Variants in PCLO observed in about 807,000 individuals in gnomAD.
PCLO encodes the protein piccolo presynaptic cytomatrix protein.
A neutral mutation model predicts 427.5 loss-of-function variants in PCLO; 82 were observed. That is an observed-to-expected ratio of 0.19 (90% CI 0.16 to 0.23). The LOEUF (loss-of-function observed/expected upper bound fraction) is 0.23. PCLO is among the 10% of genes least tolerant of loss of function. The pLI, the probability that PCLO is intolerant of heterozygous loss-of-function variation, is 1.00. For synonymous variants in PCLO, 2,357 were observed against 2,155.4 expected (o/e 1.09, Z -2.59); for missense variants, 6,239 against 6,115.9 (o/e 1.02, Z -0.67).
At chr7:83,147,903 A>G (rs1792035147) in intron 2 of PCLO, among the ~76,000 whole-genome samples, 1 of 152,218 alleles carries the variant, frequency 6.6e-6, no homozygotes, top group Non-Finnish European at 1.5e-5. Context: ...AGAATATCAA[A>G]TAGTAGATTT....
At chr7:82,999,408 C>A (rs1787722770) in intron 3 of PCLO, among the ~76,000 whole-genome samples, 2 of 56,632 alleles carry the variant, frequency 3.5e-5, no homozygotes, top group Non-Finnish European at 5.4e-5. Flanking sequence ...TATACTATTC[C>A]ATTATATAAT....
chr7:82,807,183 C>T (rs1332570403), intron 20 of PCLO, among the ~76,000 whole-genome samples: 2 of 132,846 alleles, frequency 1.5e-5, no homozygotes, highest in South Asian at 2.6e-4. Flanking sequence ...GGTATCCCCA[C>T]TCTTCTCAAG....
intron 6 of PCLO, among the ~76,000 whole-genome samples, chr7:82,945,319 A>G (rs1795176129): frequency 6.6e-6 from 1 of 152,212 alleles, no homozygotes; most frequent in Admixed American, 6.5e-5. Flanking sequence ...CAAATAAAAT[A>G]TCATTCCATA....
rs191457735 is a variant in PCLO at position 83,039,595 on chromosome 7, C to G, written c.3301-73108G>C. On this transcript the variant is annotated intron_variant, in intron 3 of 24. Coordinates refer to ENST00000333891, the MANE Select transcript of PCLO (RefSeq NM_033026.6). ...ATGTAGTACCACATTAACTTCTTTA[C>G]TGCTGCTTTGTAGTAAGTTTTGAAA... is the stretch of plus-strand genomic sequence containing the variant. Among the ~76,000 whole-genome samples, 770 of 152,162 alleles carry G rather than the reference C, an allele frequency of 5.1e-3. 3 individuals are homozygous for G. The highest frequency in any genetic ancestry group is 0.014 in the Admixed American group (207 of 15,260).
chr7:82,946,511 A>T (rs1198212627), intron 6 of PCLO, among the ~76,000 whole-genome samples: 2 of 152,204 alleles, frequency 1.3e-5, no homozygotes, highest in African/African-American at 4.8e-5. Flanking sequence ...TTAGAGAACA[A>T]ATTAAGAAAA....
Position 82,827,880 on chromosome 7 carries a change from A to G in PCLO, c.14336T>C (p.Met4779Thr). ...GAAATAATCTTGACATACCTGTTCC[A>G]TGGAAATACTTTTATAAATTACTGT... is the stretch of plus-strand genomic sequence containing the variant. ...NQTVIYKSIS[M>T]EQLKKKTLEV... Residue 4779 changes from methionine to threonine, a missense_variant, in exon 17 of 25, where the codon ATG (methionine) becomes ACG (threonine). Transcript: ENST00000333891. 6.5e-7 allele frequency: 1 copy of G among 1,542,942 alleles called. No homozygotes were observed. The highest frequency in any genetic ancestry group is 8.9e-7 in the Non-Finnish European group (1 of 1,118,310).
At chr7:82,964,766 C>G (rs1795727180) in intron 4 of PCLO, among the ~76,000 whole-genome samples, 1 of 152,046 alleles carries the variant, frequency 6.6e-6, no homozygotes. Flanking sequence ...ATATAGGCAT[C>G]TTTTTGACTC....
chr7:82,789,704 C>CA (rs917787862), intron 22 of PCLO, among the ~76,000 whole-genome samples: 6 of 152,026 alleles, frequency 3.9e-5, no homozygotes, highest in African/African-American at 1.4e-4. Context: ...GATTCTGTCT[C>CA]AAAAAAAGAG....
Position 83,145,648 on chromosome 7 carries a change from T to C in PCLO, c.1893+9100A>G, listed in dbSNP as rs1026886758. Among the ~76,000 whole-genome samples the C allele has an allele frequency of 2.0e-5, 3 of 152,230 alleles. No individual in the cohort carries two copies. In the East Asian group the frequency reaches 5.8e-4, roughly 29 times the overall value. On this transcript the variant is annotated intron_variant, in intron 2 of 24. Transcript: ENST00000333891. ...GTCAATAATGATGGTGCTATCCCTA[T>C]CTGCCTATTAGAATGTTATAAAGAT...
At position 82,902,715 on chromosome 7, in the gene PCLO, C is replaced by A. The variant is rs1160669270; in HGVS notation, c.13464G>T (p.Met4488Ile). 1 of 1,597,092 alleles carries A rather than the reference C, an allele frequency of 6.3e-7. No individual in the cohort carries two copies. Among genetic ancestry groups the A allele is most frequent in the South Asian group, 1.1e-5 (1 of 90,690 alleles). ...EQIIQMNGKT[M>I]HYIFPHARIK... Reference sequence around the variant, plus strand: ...TCCTTGCGTGAGGAAAGATGTAGTGCATAGTTTTCCCGTTCATCTGTATAA... The same window carrying A: ...TCCTTGCGTGAGGAAAGATGTAGTGAATAGTTTTCCCGTTCATCTGTATAA... The change falls in exon 9 of 25, where the codon ATG (methionine) becomes ATT (isoleucine). Residue 4488 changes from methionine to isoleucine, a missense_variant. Physicochemically the swap from Met to Ile is conservative, Grantham distance 10. Transcript: ENST00000333891.
At chr7:82,913,337 T>G (rs922494124) in intron 7 of PCLO, among the ~76,000 whole-genome samples, 4 of 152,130 alleles carry the variant, frequency 2.6e-5, no homozygotes, top group African/African-American at 9.6e-5. Context: ...CTTATTCATC[T>G]AGACAAAGAT....
intron 3 of PCLO, among the ~76,000 whole-genome samples, chr7:83,126,434 T>C (rs1205842576): frequency 6.6e-6 from 1 of 152,104 alleles, no homozygotes; most frequent in East Asian, 1.9e-4. Flanking sequence ...GACAACCCAG[T>C]TATCCTGATG....
chr7:83,048,040 A>AACTC (rs1480913272), intron 3 of PCLO, among the ~76,000 whole-genome samples: 1 of 152,058 alleles, frequency 6.6e-6, no homozygotes, highest in Admixed American at 6.6e-5. Flanking sequence ...TTTTTTCCAC[A>AACTC]ACTCCAGCAT....
At chr7:82,981,451 G>A (rs950689324) in intron 3 of PCLO, among the ~76,000 whole-genome samples, 6 of 152,058 alleles carry the variant, frequency 3.9e-5, no homozygotes, top group African/African-American at 1.4e-4. Context: ...AAATCTGAGT[G>A]AAGAAAGATC....
intron 3 of PCLO, among the ~76,000 whole-genome samples, chr7:83,089,393 C>A (rs1465149482): frequency 6.6e-6 from 1 of 152,060 alleles, no homozygotes; most frequent in Non-Finnish European, 1.5e-5. Context: ...TACAGTGTTC[C>A]CTCATGCCTA....
At chr7:82,989,483 T>C (rs768028191) in intron 3 of PCLO, among the ~76,000 whole-genome samples, 7 of 152,106 alleles carry the variant, frequency 4.6e-5, no homozygotes, top group Non-Finnish European at 1.0e-4. Context: ...TTCAAATTAA[T>C]ATATTTGAAT....
At chr7:83,136,400 G>C (rs1386021159) in intron 2 of PCLO, among the ~76,000 whole-genome samples, 1 of 152,004 alleles carries the variant, frequency 6.6e-6, no homozygotes, top group Non-Finnish European at 1.5e-5. Context: ...AGTTATGAGA[G>C]TTATTTTCTC....
intron 6 of PCLO, among the ~76,000 whole-genome samples, chr7:82,933,374 T>G (rs1019634568): frequency 5.3e-5 from 8 of 152,008 alleles, no homozygotes; most frequent in Admixed American, 2.0e-4. Flanking sequence ...TTTTTTTCAG[T>G]GAAAATTATT....
intron 3 of PCLO, among the ~76,000 whole-genome samples, chr7:83,044,929 T>C (rs1036576764): frequency 1.2e-4 from 19 of 152,158 alleles, no homozygotes; most frequent in Non-Finnish European, 2.5e-4. Flanking sequence ...TGGCTGTATA[T>C]GAAAGCAATA....
Sources: gnomAD v4.1 joint callset for allele counts (sites outside exome capture counted in the v4.1 genomes callset) on GRCh38, gnomAD v4.1.1 for gene constraint, MANE v1.5 for transcripts, NCBI Gene and HGNC (gene_info 2026-07-23, HGNC 2026-07-21) for gene names.